ANKRD44: variants seen among roughly 807,000 people sequenced by gnomAD.
ANKRD44 encodes serine/threonine-protein phosphatase 6 regulatory ankyrin repeat subunit B.
ANKRD44 carries 35 observed loss-of-function variants against 116.0 expected under a neutral mutation model. The ratio of observed to expected loss-of-function variants is 0.30; its 90% confidence interval spans 0.23 to 0.40. The LOEUF is 0.40. Ranked by LOEUF, ANKRD44 falls within the 10% of genes least tolerant of loss-of-function variation. The pLI is 1.00. For missense variants in ANKRD44, 1,014 were observed against 1,242.6 expected, an observed-to-expected ratio of 0.82 and a Z score of 2.77; for synonymous variants, 435 against 461.8, an observed-to-expected ratio of 0.94 and a Z score of 0.74.
chr2:197,295,706 T>C (rs2083700084), intron 1 of ANKRD44, among the ~76,000 whole-genome samples: 1 of 152,186 alleles, frequency 6.6e-6, no homozygotes, highest in African/African-American at 2.4e-5. Context: ...AGCCAATTCA[T>C]GGCAGGAATG....
chr2:197,108,539 A>G (rs2078488410), intron 9 of ANKRD44, among the ~76,000 whole-genome samples: 1 of 152,004 alleles, frequency 6.6e-6, no homozygotes, highest in South Asian at 2.1e-4. Context: ...GTCTCCCCCA[A>G]CTCAAAAGTC....
chr2:197,102,311 G>T (rs1459479813), intron 9 of ANKRD44, among the ~76,000 whole-genome samples: 2 of 152,172 alleles, frequency 1.3e-5, no homozygotes, highest in Admixed American at 6.5e-5. Context: ...TTTGTTAGAT[G>T]TATCTTCAAG....
At chr2:197,217,701 C>A (rs1481831813) in intron 1 of ANKRD44, among the ~76,000 whole-genome samples, 1 of 152,110 alleles carries the variant, frequency 6.6e-6, no homozygotes, top group Non-Finnish European at 1.5e-5. Flanking sequence ...CAAGGAACAC[C>A]CTTGAGATTT....
At chr2:197,224,859 T>C (rs985687172) in intron 1 of ANKRD44, among the ~76,000 whole-genome samples, 3 of 152,236 alleles carry the variant, frequency 2.0e-5, no homozygotes, top group African/African-American at 7.2e-5. Context: ...TCATTTATTA[T>C]CCACATTTCC....
intron 16 of ANKRD44, among the ~76,000 whole-genome samples, chr2:197,058,399 T>TC (rs2077244856): frequency 1.3e-5 from 2 of 149,452 alleles, no homozygotes; most frequent in African/African-American, 4.9e-5. Context: ...CTGTGAATCT[T>TC]TTTTTTTTTT....
chr2:197,160,102 T>TA (rs1314228842), intron 2 of ANKRD44, among the ~76,000 whole-genome samples: 2 of 152,040 alleles, frequency 1.3e-5, no homozygotes, highest in Non-Finnish European at 2.9e-5. Flanking sequence ...ACTTTCATTA[T>TA]AAAAAAACAA....
At chr2:197,232,406 G>A (rs1350230045) in intron 1 of ANKRD44, among the ~76,000 whole-genome samples, 1 of 152,148 alleles carries the variant, frequency 6.6e-6, no homozygotes, top group Non-Finnish European at 1.5e-5. Flanking sequence ...TTAATGTCAT[G>A]TCTAAAATAG....
chr2:197,155,957 A>G (rs2079798620), intron 2 of ANKRD44, among the ~76,000 whole-genome samples: 1 of 152,248 alleles, frequency 6.6e-6, no homozygotes, highest in Non-Finnish European at 1.5e-5. Context: ...ACAACTCTCA[A>G]TAACTATGAA....
rs112143675 is a variant in ANKRD44 at position 196,970,950 on chromosome 2, G to A, written c.2369-3504C>T. ...ATGCCTGGGCTCAAGTGATCCTCCC[G>A]CCTCGGCCTCCCAAAGTCCTAGGAT... On this transcript the variant is annotated intron_variant, in intron 21 of 21. Transcript: ENST00000424317. Among the ~76,000 whole-genome samples the A allele has an allele frequency of 4.6e-3, 705 of 152,156 alleles. 7 individuals are homozygous for A. The highest frequency in any genetic ancestry group is 0.015 in the African/African-American group (618 of 41,500).
rs761215963 is a variant in ANKRD44, at chr2:196,998,924, C to T, written c.2648G>A (p.Gly883Glu). 2 of 1,614,164 alleles carry T rather than the reference C, an allele frequency of 1.2e-6. No homozygotes were observed. The highest frequency in any genetic ancestry group is 1.3e-5 in the African/African-American group (1 of 75,060). ...KTALMMAAEN[G>E]QAGAVDILVN... ...GCACATACCCACAGCGCCTGCCTGC[C>T]CATTCTCAGCAGCCATCATCAGTGC... Residue 883 changes from glycine (G) to glutamate (E), a missense_variant, in exon 24 of 28, where the codon GGG becomes GAG. Transcript: ENST00000282272.
chr2:197,068,592 AG>A (rs1397857441), intron 16 of ANKRD44, among the ~76,000 whole-genome samples: 3 of 151,976 alleles, frequency 2.0e-5, no homozygotes, highest in Non-Finnish European at 2.9e-5. Context: ...GAATCTACAA[AG>A]AACTTAAACA....
intron 16 of ANKRD44, among the ~76,000 whole-genome samples, chr2:197,075,297 G>T (rs2077642505): frequency 6.6e-6 from 1 of 151,978 alleles, no homozygotes; most frequent in Non-Finnish European, 1.5e-5. Context: ...TTCCAAATAG[G>T]GGCATGATTC....
intron 1 of ANKRD44, among the ~76,000 whole-genome samples, chr2:197,237,398 A>G (rs1387041727): frequency 6.6e-6 from 1 of 152,224 alleles, no homozygotes; most frequent in Non-Finnish European, 1.5e-5. Context: ...CTACTTCAGC[A>G]ATACTTTTCT....
At chr2:197,269,037 A>T (rs1389251137) in intron 1 of ANKRD44, among the ~76,000 whole-genome samples, 3 of 151,680 alleles carry the variant, frequency 2.0e-5, no homozygotes, top group African/African-American at 7.3e-5. Flanking sequence ...AAAGTCCAAC[A>T]TTTCCATGAA....
intron 1 of ANKRD44, among the ~76,000 whole-genome samples, chr2:197,310,063 A>G (rs2084199426): frequency 6.6e-6 from 1 of 152,122 alleles, no homozygotes; most frequent in Non-Finnish European, 1.5e-5. Context: ...TGGCGCAACT[A>G]AAGAGGAAGT....
In ANKRD44 at chr2:196,988,474, A is replaced by G. The variant is rs764066160; in HGVS notation, c.*1117T>C. 9 of 985,330 alleles carry G rather than the reference A, an allele frequency of 9.1e-6. No individual in the cohort carries two copies. The highest frequency in any genetic ancestry group is 1.1e-5 in the Non-Finnish European group (9 of 829,912). The allele number at this position is 985,330 out of a possible 1,614,324, so 61.0% of individuals were successfully genotyped here. A position where few individuals can be genotyped will look rare whatever the true frequency, so the allele number is the denominator to read the frequency against. On this transcript the variant is annotated 3_prime_UTR_variant, in exon 28 of 28. Transcript: ENST00000282272. ...GTGTGGAAAATTTTCAGTGAAATCA[A>G]TACCAGTTCAATAAATCCTTTGAAC... is the stretch of plus-strand genomic sequence containing the variant.
At chr2:196,970,858 C>T (rs758593507) in intron 21 of ANKRD44, among the ~76,000 whole-genome samples, 3 of 152,082 alleles carry the variant, frequency 2.0e-5, no homozygotes, top group Non-Finnish European at 4.4e-5. Flanking sequence ...TATGCCACCA[C>T]ACCTGGCTAA....
intron 1 of ANKRD44, among the ~76,000 whole-genome samples, chr2:197,204,844 T>C (rs1296563157): frequency 1.3e-5 from 2 of 152,146 alleles, no homozygotes; most frequent in South Asian, 2.1e-4. Context: ...AAAATGACTA[T>C]GTGGAAGATG....
rs751024404 is a variant in ANKRD44 at position 197,078,587 on chromosome 2, G to A, written c.1650+116C>T. ...CAGAATTCATGAAATCCTGATTCATGGACCCACTTTTTACACAAGCCAGAG... is the reference window on the plus strand; with the variant it reads ...CAGAATTCATGAAATCCTGATTCATAGACCCACTTTTTACACAAGCCAGAG... On this transcript the variant is annotated intron_variant, in intron 16 of 27. Transcript: ENST00000282272. 2.0e-6 allele frequency: 3 copies of A among 1,532,016 alleles called. No homozygotes were observed. The South Asian group carries it at 3.6e-5, about 18-fold the overall frequency. The allele number at this position is 1,532,016 out of a possible 1,614,324, so 94.9% of individuals were successfully genotyped here.
Sources: gnomAD v4.1 joint callset for allele counts (sites outside exome capture counted in the v4.1 genomes callset) on GRCh38, gnomAD v4.1.1 for gene constraint, MANE v1.5 for transcripts, NCBI Gene and HGNC (gene_info 2026-07-23, HGNC 2026-07-21) for gene names.